SLCO3A1: variants seen among roughly 807,000 people sequenced by gnomAD.
SLCO3A1 encodes solute carrier organic anion transporter family member 3A1, also known as PGE1 transporter.
A neutral mutation model predicts 63.1 loss-of-function variants in SLCO3A1; 27 were observed. That is an observed-to-expected ratio of 0.43 (90% CI 0.32 to 0.59). The LOEUF (loss-of-function observed/expected upper bound fraction) is 0.59, where lower values mean the gene tolerates loss of function less well. Ranked by LOEUF, SLCO3A1 falls within the 20% of genes least tolerant of loss-of-function variation. The pLI is 0.09. For synonymous variants in SLCO3A1, 473 were observed against 409.9 expected (o/e 1.15, Z -1.86); for missense variants, 773 against 945.8 (o/e 0.82, Z 2.40).
chr15:91,991,658 C>A (rs2046127558), intron 2 of SLCO3A1, among the ~76,000 whole-genome samples: 2 of 152,212 alleles, frequency 1.3e-5, no homozygotes, highest in Non-Finnish European at 2.9e-5. Flanking sequence ...ATCATTTCAA[C>A]ATGTGTAACC....
At chr15:92,038,356 C>T (rs184628559) in intron 2 of SLCO3A1, among the ~76,000 whole-genome samples, 26 of 152,244 alleles carry the variant, frequency 1.7e-4, no homozygotes, top group Non-Finnish European at 3.2e-4. Flanking sequence ...AAGGGAAATG[C>T]ATGGGAATGT....
At chr15:92,044,644 G>A (rs2046838502) in intron 2 of SLCO3A1, among the ~76,000 whole-genome samples, 1 of 152,098 alleles carries the variant, frequency 6.6e-6, no homozygotes, top group African/African-American at 2.4e-5. Context: ...AGGTCATCCT[G>A]TGCTCAGAGA....
At chr15:91,919,758 C>T (rs577013750) in intron 2 of SLCO3A1, among the ~76,000 whole-genome samples, 1 of 148,382 alleles carries the variant, frequency 6.7e-6, no homozygotes, top group East Asian at 2.0e-4. Context: ...GGTTGCCCCC[C>T]TTTTTTTTTT....
In SLCO3A1 at chr15:91,880,162, C is replaced by CTATCTATCT. The variant is rs1567168728; in HGVS notation, c.180+26074_180+26075insTATCTATCT. Among the ~76,000 whole-genome samples, 262 of 125,488 alleles carry CTATCTATCT rather than the reference C, an allele frequency of 2.1e-3. 2 individuals carry two copies. The highest frequency in any genetic ancestry group is 7.5e-3 in the African/African-American group (242 of 32,146). The allele number at this position is 125,488 out of a possible 152,430, so 82.3% of individuals were successfully genotyped here. A position where few individuals can be genotyped will look rare whatever the true frequency, so the allele number is the denominator to read the frequency against. ...CCATCCATCCATCCATCCATCCATC[C>CTATCTATCT]ATCCATCCATCTATCTATCTATCTA... On this transcript the variant is annotated intron_variant, in intron 1 of 9. Transcript: ENST00000318445.
intron 2 of SLCO3A1, among the ~76,000 whole-genome samples, chr15:91,932,099 T>C: frequency 6.6e-6 from 1 of 152,084 alleles, no homozygotes. Flanking sequence ...TTTATGATTG[T>C]TCACTTCATC....
intron 4 of SLCO3A1, among the ~76,000 whole-genome samples, chr15:92,108,478 C>G (rs1332096160): frequency 6.6e-6 from 1 of 152,182 alleles, no homozygotes; most frequent in Non-Finnish European, 1.5e-5. Flanking sequence ...CTAGCAAATG[C>G]TCAGAATTTG....
chr15:91,877,537 G>A (rs541637156), intron 1 of SLCO3A1, among the ~76,000 whole-genome samples: 4 of 152,284 alleles, frequency 2.6e-5, no homozygotes, highest in Admixed American at 6.5e-5. Context: ...TATGGTGGCC[G>A]AATGTAGAAG....
intron 2 of SLCO3A1, among the ~76,000 whole-genome samples, chr15:91,994,238 A>G (rs1299232993): frequency 2.0e-5 from 3 of 151,996 alleles, no homozygotes; most frequent in Non-Finnish European, 4.4e-5. Flanking sequence ...CCTCATAACA[A>G]CTCTTCAAAG....
At chr15:92,099,121 GGCACACACCAGCCGGCCTC>G (rs1176528981) in intron 3 of SLCO3A1, among the ~76,000 whole-genome samples, 1 of 152,252 alleles carries the variant, frequency 6.6e-6, no homozygotes, top group East Asian at 1.9e-4. Flanking sequence ...CTTGTCCTGA[GGCACACACCAGCCGGCCTC>G]GCAGAAGGCT....
chr15:92,162,865 C>T lies in SLCO3A1; in HGVS notation c.1863C>T (p.Val621=). ...CCTGCGTCCTCTACGACAATGTGGT[C>T]TACCGATACCTGTATGTCAGCATCG... The part of the protein sequence containing the change: ...QGACVLYDNV[V]YRYLYVSIAI... Residue 621 remains valine, a synonymous_variant, in exon 10 of 10, where the codon GTC becomes GTT. Coordinates refer to ENST00000318445, the MANE Select transcript of SLCO3A1 (RefSeq NM_013272.4). 6.2e-7 allele frequency: 1 copy of T among 1,614,228 alleles called. No homozygotes were observed. Among genetic ancestry groups the T allele is most frequent in the Non-Finnish European group, 8.5e-7 (1 of 1,180,048 alleles).
chr15:92,062,788 C>G (rs541751070), intron 2 of SLCO3A1, among the ~76,000 whole-genome samples: 2 of 152,220 alleles, frequency 1.3e-5, no homozygotes, highest in South Asian at 4.2e-4. Context: ...TCATTGTGGT[C>G]CCTCTGCTGG....
At chr15:91,984,197 C>G (rs1567051423) in intron 2 of SLCO3A1, among the ~76,000 whole-genome samples, 1 of 152,148 alleles carries the variant, frequency 6.6e-6, no homozygotes, top group African/African-American at 2.4e-5. Context: ...CTTTGTTGGC[C>G]TTTTCCAGGA....
chr15:92,031,038 G>A (rs1447298441), intron 2 of SLCO3A1, among the ~76,000 whole-genome samples: 1 of 150,570 alleles, frequency 6.6e-6, no homozygotes, highest in Admixed American at 6.6e-5. Context: ...GAGGGAGGGA[G>A]GGAGGGAAGG....
rs1020091009 is a variant in SLCO3A1 at position 91,885,982 on chromosome 15, G to A, written c.181-30011G>A. Among the ~76,000 whole-genome samples, 1 of 152,174 alleles carries A rather than the reference G, an allele frequency of 6.6e-6. No individual in the cohort carries two copies. The highest frequency in any genetic ancestry group is 1.5e-5 in the Non-Finnish European group (1 of 68,034). ...TGTGTCTCTAGCAGAGAGGGTGAGA[G>A]GGAGGCAGGGGAAGATGAAAGCAGA... On this transcript the variant is annotated intron_variant, in intron 1 of 9. Transcript: ENST00000318445. The surrounding 1 kb of genome is among the most constrained non-coding windows in gnomAD (Gnocchi z 4.7).
At chr15:91,953,305 A>G (rs745636252) in intron 2 of SLCO3A1, among the ~76,000 whole-genome samples, 2 of 152,208 alleles carry the variant, frequency 1.3e-5, no homozygotes, top group African/African-American at 2.4e-5. Context: ...GGAGGGAACT[A>G]TGCTATGGCT....
chr15:92,136,164 G>T lies in SLCO3A1; in HGVS notation c.1512+7675G>T, dbSNP rs117022041. On this transcript the variant is annotated intron_variant, in intron 7 of 9. Transcript: ENST00000318445. ...ATGTATCTCTGCTAACTGCTTTCAA[G>T]GAGGAAAAGCAAAAACAGTATTCCA... is the stretch of plus-strand genomic sequence containing the variant. 3.6e-3 allele frequency among the ~76,000 whole-genome samples: 555 copies of T among 152,288 alleles called. 4 individuals carry two copies. Among genetic ancestry groups the T allele is most frequent in the Non-Finnish European group, 5.5e-3 (375 of 68,020 alleles).
chr15:92,150,927 T>TC lies in SLCO3A1; in HGVS notation c.1689-22dup, dbSNP rs566246053. The TC allele has an allele frequency of 3.6e-4, 564 of 1,583,644 alleles. No homozygotes were observed. The African/African-American group carries it at 4.3e-3, about 12-fold the overall frequency. On this transcript the variant is annotated intron_variant, in intron 8 of 9. Coordinates refer to ENST00000318445, the MANE Select transcript of SLCO3A1 (RefSeq NM_013272.4). The stretch of plus-strand genomic sequence containing the variant: ...AATGATAAAAATCTGGTTTTTTTTT[T>TC]CTCTTCATCTCTTTGCACGTAGGAC...
intron 6 of SLCO3A1, 26 bp downstream of exon 6, chr15:92,126,285 T>C: frequency 6.3e-7 from 1 of 1,594,868 alleles, no homozygotes; most frequent in Non-Finnish European, 8.6e-7. Context: ...GTCTGCCGCC[T>C]TCCTGCCTGT....
chr15:92,072,987 G>T (rs568200007), intron 2 of SLCO3A1, among the ~76,000 whole-genome samples: 2 of 152,212 alleles, frequency 1.3e-5, no homozygotes, highest in South Asian at 4.1e-4. Flanking sequence ...GGAGAGCTCT[G>T]CTTATATCAT....
Sources: allele counts gnomAD v4.1 joint callset (sites outside exome capture counted in the v4.1 genomes callset), GRCh38; gene constraint gnomAD v4.1.1; non-coding constraint Gnocchi (gnomAD v3.1); transcripts MANE v1.5; gene names NCBI Gene and HGNC (gene_info 2026-07-23, HGNC 2026-07-21).